The following ULK4 variants were observed in gnomAD, a reference collection of about 807,000 sequenced individuals.
ULK4 encodes the protein inactive serine/threonine-protein kinase ULK4.
In ULK4, 133 loss-of-function variants were observed where a neutral mutation model predicts 160.6. The observed-to-expected ratio is 0.83, with a 90% CI of 0.72 to 0.96. ULK4 has a LOEUF of 0.96. Ranked by LOEUF, ULK4 falls within the 40% of genes least tolerant of loss-of-function variation. ULK4 has a pLI of 0.00. For missense variants in ULK4, 1,580 were observed against 1,499.5 expected (o/e 1.05, Z -0.89); for synonymous variants, 534 against 539.8 (o/e 0.99, Z 0.15).
chr3:41,398,626 A>C (rs2082115989), intron 34 of ULK4, among the ~76,000 whole-genome samples: 1 of 150,432 alleles, frequency 6.6e-6, no homozygotes. Flanking sequence ...TCCTGGGTTC[A>C]AGGAATCCTC....
chr3:41,913,113 T>C (rs752189625), intron 8 of ULK4: 5 of 439,842 alleles, frequency 1.1e-5, no homozygotes, highest in Non-Finnish European at 2.0e-5. Flanking sequence ...TGGTACAGAA[T>C]GAAACAGTCT....
intron 35 of ULK4, among the ~76,000 whole-genome samples, chr3:41,261,973 G>A (rs963060933): frequency 1.3e-5 from 2 of 152,200 alleles, no homozygotes; most frequent in African/African-American, 4.8e-5. Flanking sequence ...GTGACCCTAT[G>A]AGGAACATCT....
intron 31 of ULK4, among the ~76,000 whole-genome samples, chr3:41,612,414 C>T (rs1476976155): frequency 1.3e-5 from 2 of 152,128 alleles, no homozygotes; most frequent in East Asian, 1.9e-4. Flanking sequence ...GACCTACCTT[C>T]GTAACAGCTC....
intron 23 of ULK4, among the ~76,000 whole-genome samples, chr3:41,717,369 T>C (rs2037304525): frequency 6.6e-6 from 1 of 152,100 alleles, no homozygotes; most frequent in African/African-American, 2.4e-5. Context: ...AAGAGAAAAT[T>C]CTTTTCTTCT....
chr3:41,440,868 T>C (rs1254048723), intron 34 of ULK4, among the ~76,000 whole-genome samples: 5 of 152,124 alleles, frequency 3.3e-5, no homozygotes, highest in South Asian at 4.1e-4. Context: ...GTGAGTTTAA[T>C]AGTTTGTACC....
intron 32 of ULK4, among the ~76,000 whole-genome samples, chr3:41,522,824 C>T (rs2085979897): frequency 6.6e-6 from 1 of 152,182 alleles, no homozygotes; most frequent in Non-Finnish European, 1.5e-5. Context: ...GGAACTTGGC[C>T]AGCTGTGTGC....
chr3:41,546,206 T>C (rs1025402043), intron 32 of ULK4, among the ~76,000 whole-genome samples: 2 of 152,158 alleles, frequency 1.3e-5, no homozygotes, highest in South Asian at 4.2e-4. Context: ...ATCTGGATTA[T>C]GCCACCTTCT....
intron 32 of ULK4, among the ~76,000 whole-genome samples, chr3:41,535,254 G>A (rs2086458872): frequency 6.6e-6 from 1 of 152,088 alleles, no homozygotes; most frequent in African/African-American, 2.4e-5. Flanking sequence ...TTATGTCGCA[G>A]CTATTACACG....
chr3:41,608,951 A>G (rs1445299143), intron 31 of ULK4, among the ~76,000 whole-genome samples: 1 of 152,234 alleles, frequency 6.6e-6, no homozygotes, highest in Non-Finnish European at 1.5e-5. Context: ...GTGTTTTTTA[A>G]CTAGACTGTC....
At chr3:41,871,322 C>G (rs1394814950) in intron 17 of ULK4, among the ~76,000 whole-genome samples, 1 of 152,052 alleles carries the variant, frequency 6.6e-6, no homozygotes, top group Non-Finnish European at 1.5e-5. Flanking sequence ...TAAGTATGAA[C>G]ATAAGATTTC....
At chr3:41,322,702 T>C (rs2080268218) in intron 35 of ULK4, among the ~76,000 whole-genome samples, 1 of 152,252 alleles carries the variant, frequency 6.6e-6, no homozygotes, top group Non-Finnish European at 1.5e-5. Context: ...AGCTATTTAA[T>C]GCTCAGCAGA....
chr3:41,944,327 T>C (rs1244455422), intron 2 of ULK4, among the ~76,000 whole-genome samples: 1 of 152,120 alleles, frequency 6.6e-6, no homozygotes, highest in Non-Finnish European at 1.5e-5. Flanking sequence ...AGACGTGTAA[T>C]TTCACGGGAG....
rs1188074001 is a variant in ULK4, at chr3:41,414,842, TCTTGAGAAGGATA to T, written c.3493-16591_3493-16579del. Among the ~76,000 whole-genome samples the T allele has an allele frequency of 5.9e-5, 9 of 152,286 alleles. 1 individual carries two copies. The highest frequency in any genetic ancestry group is 3.3e-4 in the Admixed American group (5 of 15,298). ...CAGGGCCTTGACACCGTCCCCTTTC[TCTTGAGAAGGATA>T]CTTGGTCTCCTTTGATCCCAGGTAC... On this transcript the variant is annotated intron_variant, in intron 34 of 36. Transcript: ENST00000301831.
chr3:41,495,715 C>T (rs1413243097), intron 32 of ULK4, among the ~76,000 whole-genome samples: 1 of 151,602 alleles, frequency 6.6e-6, no homozygotes, highest in East Asian at 1.9e-4. Context: ...CTACAATGAA[C>T]TCAAACAAAT....
At chr3:41,704,927 A>G (rs1173467712) in intron 27 of ULK4, 130 bp downstream of exon 27, 4 of 614,006 alleles carry the variant, frequency 6.5e-6, no homozygotes, top group Non-Finnish European at 1.1e-5. Flanking sequence ...CTGCCAGGGT[A>G]GGGGGGTTCT....
At chr3:41,496,702 C>G (rs896742008) in intron 32 of ULK4, among the ~76,000 whole-genome samples, 5 of 152,104 alleles carry the variant, frequency 3.3e-5, no homozygotes, top group Admixed American at 1.3e-4. Flanking sequence ...CACCTGCAAG[C>G]TGTTGAGTTG....
At chr3:41,743,316 T>A (rs1409644309) in intron 22 of ULK4, among the ~76,000 whole-genome samples, 1 of 150,880 alleles carries the variant, frequency 6.6e-6, no homozygotes, top group Non-Finnish European at 1.5e-5. Context: ...AGTAGAAAAA[T>A]TTTAAAGACT....
In ULK4 at chr3:41,257,947, C is replaced by A. The variant is rs2078866178; in HGVS notation, c.3679-8373G>T. On this transcript the variant is annotated intron_variant, in intron 35 of 36. Transcript: ENST00000301831. ...TTGAAACAATAAGAGTTTGAATTTA[C>A]CTTGCTAAATTATTGTATACTATGA... 2.6e-5 allele frequency among the ~76,000 whole-genome samples: 4 copies of A among 151,998 alleles called. No individual in the cohort carries two copies. In the South Asian group the frequency reaches 8.3e-4, roughly 32 times the overall value.
chr3:41,954,575 A>C (rs781487703), intron 2 of ULK4, 47 bp downstream of exon 2: 2 of 1,581,938 alleles, frequency 1.3e-6, no homozygotes, highest in East Asian at 4.5e-5. Context: ...CCTTCTACCT[A>C]TTGTAGCTCT....
Sources: gnomAD v4.1 joint callset for allele counts (sites outside exome capture counted in the v4.1 genomes callset) on GRCh38, gnomAD v4.1.1 for gene constraint, MANE v1.5 for transcripts, NCBI Gene and HGNC (gene_info 2026-07-23, HGNC 2026-07-21) for gene names.